The following SMIM36 variants were observed in gnomAD, a reference collection of about 807,000 sequenced individuals.
The protein encoded by SMIM36 is small integral membrane protein 36.
At chr17:55,514,043 C>G (rs1910225962), upstream of SMIM36, among the ~76,000 whole-genome samples, 1 of 152,164 alleles carries the variant, frequency 6.6e-6, no homozygotes, top group African/African-American at 2.4e-5. Flanking sequence ...GAAGTCCAGT[C>G]TCATGAAGGC....
chr17:55,477,026 A>T (rs1325729561), intron 3 of SMIM36: 2 of 152,168 alleles, frequency 1.3e-5, no homozygotes, highest in Non-Finnish European at 2.9e-5. Context: ...ACAAAGTACC[A>T]AAAAATGGGA....
At chr17:55,456,188 T>A (rs1245801790) in intron 4 of SMIM36, among the ~76,000 whole-genome samples, 1 of 149,650 alleles carries the variant, frequency 6.7e-6, no homozygotes, top group Non-Finnish European at 1.5e-5. Flanking sequence ...CCTCATCAGG[T>A]CTTTTCTTGT....
intron 1 of SMIM36, among the ~76,000 whole-genome samples, chr17:55,507,493 C>T (rs1410135335): frequency 9.7e-6 from 1 of 103,474 alleles, no homozygotes; most frequent in Non-Finnish European, 1.9e-5. Context: ...AAACCAAACA[C>T]CGCATATTCT....
upstream of SMIM36, among the ~76,000 whole-genome samples, chr17:55,514,040 A>T (rs1300089932): frequency 2.0e-5 from 3 of 152,198 alleles, no homozygotes; most frequent in African/African-American, 7.2e-5. Context: ...TTTGAAGTCC[A>T]GTCTCATGAA....
chr17:55,462,525 GA>G (rs1312526079), intron 4 of SMIM36, among the ~76,000 whole-genome samples: 1 of 152,192 alleles, frequency 6.6e-6, no homozygotes, highest in African/African-American at 2.4e-5. Context: ...AGGATCATTT[GA>G]GCCTAGGAAT....
chr17:55,520,312 C>T, the SMIM36 span, among the ~76,000 whole-genome samples: 4 of 152,212 alleles, frequency 2.6e-5, no homozygotes, highest in Admixed American at 1.3e-4. Context: ...CTCTTTTATC[C>T]TTCACAATTT....
chr17:55,482,539 T>C (rs1909538115), intron 1 of SMIM36, among the ~76,000 whole-genome samples: 1 of 152,242 alleles, frequency 6.6e-6, no homozygotes, highest in African/African-American at 2.4e-5. Flanking sequence ...TAATAGCCTA[T>C]AGTTTGCTTG....
At chr17:55,521,942 C>T in the SMIM36 span, among the ~76,000 whole-genome samples, 1 of 152,074 alleles carries the variant, frequency 6.6e-6, no homozygotes, top group Non-Finnish European at 1.5e-5. Context: ...TCCACCACCC[C>T]TCACTTAGTC....
intron 4 of SMIM36, among the ~76,000 whole-genome samples, chr17:55,457,756 C>A (rs2143232445): frequency 6.6e-6 from 1 of 152,028 alleles, no homozygotes; most frequent in Non-Finnish European, 1.5e-5. Flanking sequence ...GAACTCCTGG[C>A]CTCAGGCAAT....
intron 3 of SMIM36, among the ~76,000 whole-genome samples, chr17:55,476,659 C>A (rs1432241004): frequency 6.6e-6 from 1 of 152,150 alleles, no homozygotes; most frequent in African/African-American, 2.4e-5. Flanking sequence ...CCTCCACCTC[C>A]CGGGTTCAAA....
intron 3 of SMIM36, among the ~76,000 whole-genome samples, chr17:55,472,875 A>G (rs1325393254): frequency 9.8e-6 from 1 of 101,906 alleles, no homozygotes; most frequent in Non-Finnish European, 2.1e-5. Context: ...TTAAAAAAAA[A>G]AAAAAAGAAA....
chr17:55,479,272 C>T (rs753776838), intron 2 of SMIM36, among the ~76,000 whole-genome samples, 188 bp downstream of exon 2: 64 of 152,178 alleles, frequency 4.2e-4, no homozygotes, highest in Admixed American at 1.0e-3. Flanking sequence ...ATTCTTGTAA[C>T]ATCTGAATAT....
chr17:55,479,521 T>G (rs980735336), exon 2 of SMIM36: 15 of 152,152 alleles, frequency 9.9e-5, no homozygotes, highest in African/African-American at 2.9e-4. Flanking sequence ...TAGGCAGAGG[T>G]TGCAGTGAGC....
chr17:55,450,219 G>C (rs1908884356), exon 5 of SMIM36: 2 of 152,182 alleles, frequency 1.3e-5, no homozygotes, highest in African/African-American at 4.8e-5. Context: ...AAAGGTAGAA[G>C]AGGCAAGCAA....
At chr17:55,511,825 G>A (rs1233103381), upstream of SMIM36, among the ~76,000 whole-genome samples, 3 of 152,210 alleles carry the variant, frequency 2.0e-5, no homozygotes, top group Non-Finnish European at 4.4e-5. Flanking sequence ...GGAAGTAAAT[G>A]TGATTCTTCA....
chr17:55,523,334 T>A, the SMIM36 span, among the ~76,000 whole-genome samples: 1 of 151,944 alleles, frequency 6.6e-6, no homozygotes, highest in African/African-American at 2.4e-5. Flanking sequence ...GATCGAGACC[T>A]TCCTGGCCAA....
At chr17:55,513,455 A>G (rs1910216201), upstream of SMIM36, among the ~76,000 whole-genome samples, 1 of 152,220 alleles carries the variant, frequency 6.6e-6, no homozygotes, top group Non-Finnish European at 1.5e-5. Flanking sequence ...GGAAAAGTCC[A>G]TTTATAATTG....
intron 4 of SMIM36, among the ~76,000 whole-genome samples, chr17:55,458,732 C>T (rs1567862318): frequency 6.6e-6 from 1 of 152,004 alleles, no homozygotes; most frequent in Non-Finnish European, 1.5e-5. Flanking sequence ...GGAGTCTGGC[C>T]AGGGCAGTCT....
intron 4 of SMIM36, among the ~76,000 whole-genome samples, chr17:55,454,538 T>C (rs942180393): frequency 6.6e-6 from 1 of 152,236 alleles, no homozygotes; most frequent in Non-Finnish European, 1.5e-5. Context: ...TTAATGTTAA[T>C]TTAACAACTG....
Sources: allele counts gnomAD v4.1 joint callset (sites outside exome capture counted in the v4.1 genomes callset), GRCh38; gene constraint gnomAD v4.1.1; transcripts MANE v1.5; gene names NCBI Gene and HGNC (gene_info 2026-07-23, HGNC 2026-07-21).